EPHB2: variants seen among roughly 807,000 people sequenced by gnomAD.
The protein encoded by EPHB2 is EPH receptor B2, also known as ephrin type-B receptor 2.
A neutral mutation model predicts 96.4 loss-of-function variants in EPHB2; 18 were observed. That is an observed-to-expected ratio of 0.19 (90% CI 0.13 to 0.28). EPHB2 has a LOEUF of 0.28. EPHB2 is among the 10% of genes least tolerant of loss of function. The pLI is 1.00. For synonymous variants in EPHB2, 506 were observed against 534.1 expected (o/e 0.95, Z 0.72); for missense variants, 989 against 1,355.4 (o/e 0.73, Z 4.25).
chr1:22,734,422 C>CTT (rs66686608), intron 1 of EPHB2, among the ~76,000 whole-genome samples: 76 of 135,668 alleles, frequency 5.6e-4, no homozygotes, highest in East Asian at 1.1e-3. Context: ...TGTCAATATT[C>CTT]TTTTTTTTTT....
rs764789610 is a variant in EPHB2, at chr1:22,864,889, C to T, written c.980C>T (p.Ala327Val). 50 of 1,607,032 alleles carry T rather than the reference C, an allele frequency of 3.1e-5. No homozygotes were observed. The highest frequency in any genetic ancestry group is 1.9e-4 in the South Asian group (17 of 89,670). Reference sequence around the variant, plus strand: ...TCCCCCGCCCCAGCCATCCCCTCCGCGCCCCAGGCTGTGATTTCCAGTGTC... The same window carrying T: ...TCCCCCGCCCCAGCCATCCCCTCCGTGCCCCAGGCTGTGATTTCCAGTGTC... ...LDMPCTTIPS[A>V]PQAVISSVNE... The change falls in exon 5 of 16, where the codon GCG (alanine) becomes GTG (valine). Residue 327 changes from alanine to valine, a missense_variant. Transcript: ENST00000374630.
intron 1 of EPHB2, among the ~76,000 whole-genome samples, chr1:22,731,412 G>A (rs768458084): frequency 6.6e-6 from 1 of 152,184 alleles, no homozygotes; most frequent in Non-Finnish European, 1.5e-5. Context: ...TCATGTCCTG[G>A]CACCAGCTCT....
chr1:22,780,449 G>T (rs1216200983), intron 1 of EPHB2, among the ~76,000 whole-genome samples: 3 of 152,222 alleles, frequency 2.0e-5, no homozygotes, highest in Non-Finnish European at 4.4e-5. Flanking sequence ...TGTCCTGGGG[G>T]CAGAGTTGCC....
intron 5 of EPHB2, 44 bp from the exon 6 acceptor site, chr1:22,882,315 C>T (rs1639074240): frequency 3.7e-6 from 6 of 1,610,310 alleles, no homozygotes; most frequent in African/African-American, 1.3e-5. Flanking sequence ...GAAGCTGCAC[C>T]TTCTCATGCC....
At chr1:22,874,254 T>C (rs548010240) in intron 5 of EPHB2, among the ~76,000 whole-genome samples, 1 of 152,314 alleles carries the variant, frequency 6.6e-6, no homozygotes, top group African/African-American at 2.4e-5. Context: ...TCATTTAACC[T>C]TCCTTGCCCA....
At position 22,858,179 on chromosome 1, in the gene EPHB2, G is replaced by C. The variant is rs1261823847; in HGVS notation, c.812-4858G>C. Among the ~76,000 whole-genome samples the C allele has an allele frequency of 6.6e-6, 1 of 152,128 alleles. No individual in the cohort carries two copies. The highest frequency in any genetic ancestry group is 1.5e-5 in the Non-Finnish European group (1 of 68,016). ...AGGGAACAGCTTGGCCAAAGGCCTG[G>C]AGGTGAGAGCGCATTCGATGACCAC... On this transcript the variant is annotated intron_variant, in intron 3 of 15. Coordinates refer to ENST00000374630, the MANE Select transcript of EPHB2 (RefSeq NM_017449.5). The surrounding 1 kb of genome is among the most constrained non-coding windows in gnomAD (Gnocchi z 7.7).
intron 1 of EPHB2, among the ~76,000 whole-genome samples, chr1:22,772,395 C>T (rs1239710406): frequency 6.6e-6 from 1 of 152,030 alleles, no homozygotes; most frequent in Non-Finnish European, 1.5e-5. Flanking sequence ...GGTGGGAGGA[C>T]GAGAAGGGGT....
intron 1 of EPHB2, 146 bp downstream of exon 1, chr1:22,711,189 G>A (rs1294010076): frequency 1.4e-5 from 2 of 146,306 alleles, no homozygotes; most frequent in South Asian, 2.0e-4. Flanking sequence ...GGTGTGTCCG[G>A]CCGCGCCGGG....
intron 6 of EPHB2, chr1:22,891,181 T>C (rs1557738641): frequency 2.2e-6 from 1 of 456,088 alleles, no homozygotes; most frequent in African/African-American, 2.0e-5. Context: ...AGGTCATATA[T>C]ACTAGAGCCA....
chr1:22,772,661 C>T (rs145627784), intron 1 of EPHB2, among the ~76,000 whole-genome samples: 5 of 152,288 alleles, frequency 3.3e-5, no homozygotes, highest in Non-Finnish European at 5.9e-5. Context: ...GAGGAGAGGG[C>T]TCAGGAAACT....
intron 5 of EPHB2, among the ~76,000 whole-genome samples, chr1:22,866,462 G>A (rs1638479857): frequency 6.6e-6 from 1 of 152,034 alleles, no homozygotes; most frequent in Non-Finnish European, 1.5e-5. Context: ...ATGGAGTCTT[G>A]TATGTTGCCC....
intron 3 of EPHB2, among the ~76,000 whole-genome samples, chr1:22,842,510 G>GC (rs1325201067): frequency 1.3e-5 from 2 of 151,874 alleles, no homozygotes; most frequent in Non-Finnish European, 2.9e-5. Context: ...GCCACCCTGT[G>GC]CCCCCATAGC....
chr1:22,893,235 C>T lies in EPHB2; in HGVS notation c.1591+189C>T, dbSNP rs1045142366. 3.9e-5 allele frequency among the ~76,000 whole-genome samples: 6 copies of T among 152,302 alleles called. No individual in the cohort carries two copies. In the South Asian group the frequency reaches 1.0e-3, roughly 26 times the overall value. The stretch of plus-strand genomic sequence containing the variant: ...TATATAAAAGCCCTGTTTCTGTTCC[C>T]GTTGTGTCAGCCAGGCCACTTCCTT... On this transcript the variant is annotated intron_variant, in intron 7 of 15. Transcript: ENST00000374630.
chr1:22,856,468 C>T (rs77920076), intron 3 of EPHB2, among the ~76,000 whole-genome samples: 340 of 152,236 alleles, frequency 2.2e-3, no homozygotes, highest in African/African-American at 7.8e-3. Flanking sequence ...GAGGACCAGG[C>T]GTTACTTCTG....
rs191351224 is a variant in EPHB2, at chr1:22,712,209, C to T, written c.61+1166C>T. Among the ~76,000 whole-genome samples the T allele has an allele frequency of 6.2e-4, 94 of 152,286 alleles. 1 individual carries two copies. The Middle Eastern group carries it at 0.02, about 33-fold the overall frequency. ...ACAGGTAGGTATGATTCCTACTTCTCTTGAACAGATAGGGAAACCGAGGTT... is the reference window on the plus strand; with the variant it reads ...ACAGGTAGGTATGATTCCTACTTCTTTTGAACAGATAGGGAAACCGAGGTT... On this transcript the variant is annotated intron_variant, in intron 1 of 15. Coordinates refer to ENST00000374630, the MANE Select transcript of EPHB2 (RefSeq NM_017449.5).
At chr1:22,882,584 C>T in intron 6 of EPHB2, 101 bp downstream of exon 6, 2 of 1,568,584 alleles carry the variant, frequency 1.3e-6, no homozygotes, top group Non-Finnish European at 1.7e-6. Context: ...ATGAGACGCA[C>T]TGGTGCAGCA....
At chr1:22,884,428 T>C (rs1639156564) in intron 6 of EPHB2, among the ~76,000 whole-genome samples, 1 of 152,060 alleles carries the variant, frequency 6.6e-6, no homozygotes, top group African/African-American at 2.4e-5. Context: ...ATCACGGGCC[T>C]GACCAACATG....
chr1:22,909,519 T>C (rs1640024567), intron 13 of EPHB2, among the ~76,000 whole-genome samples: 1 of 152,228 alleles, frequency 6.6e-6, no homozygotes, highest in Non-Finnish European at 1.5e-5. Flanking sequence ...CCAGATGTTA[T>C]GATCAGGAGC....
chr1:22,729,847 C>A (rs1210695539), intron 1 of EPHB2, among the ~76,000 whole-genome samples: 1 of 152,246 alleles, frequency 6.6e-6, no homozygotes, highest in African/African-American at 2.4e-5. Context: ...CTTAGATTCC[C>A]TGGGCCTAGC....
Sources: gnomAD v4.1 joint callset for allele counts (sites outside exome capture counted in the v4.1 genomes callset) on GRCh38, gnomAD v4.1.1 for gene constraint, Gnocchi (gnomAD v3.1) non-coding constraint, MANE v1.5 for transcripts, NCBI Gene and HGNC (gene_info 2026-07-23, HGNC 2026-07-21) for gene names.